LINGO1: variants seen among roughly 807,000 people sequenced by gnomAD.
The protein encoded by LINGO1 is leucine-rich repeat and immunoglobulin-like domain-containing nogo receptor-interacting protein 1.
A neutral mutation model predicts 37.3 loss-of-function variants in LINGO1; 11 were observed. That is an observed-to-expected ratio of 0.29 (90% CI 0.19 to 0.49). The LOEUF (loss-of-function observed/expected upper bound fraction) is 0.49, where lower values mean the gene tolerates loss of function less well. Among genes scored for constraint, LINGO1 ranks in the 20% least tolerant of loss-of-function variants. The pLI is 0.99. For synonymous variants in LINGO1, 387 were observed against 403.0 expected, an observed-to-expected ratio of 0.96 and a Z score of 0.48; for missense variants, 585 against 878.2, an observed-to-expected ratio of 0.67 and a Z score of 4.22.
At chr15:77,705,794 G>C (rs563241375) in intron 2 of LINGO1, among the ~76,000 whole-genome samples, 2 of 152,320 alleles carry the variant, frequency 1.3e-5, no homozygotes, top group Non-Finnish European at 2.9e-5. Flanking sequence ...TGGGCTGTGT[G>C]TCCTAGGGGA....
intron 3 of LINGO1, among the ~76,000 whole-genome samples, chr15:77,661,442 T>C (rs2074991185): frequency 6.6e-6 from 1 of 152,198 alleles, no homozygotes; most frequent in Non-Finnish European, 1.5e-5. Context: ...GCTGAGGGTA[T>C]TCAGCTGTGG....
chr15:77,815,705 C>T lies in LINGO1; in HGVS notation c.-458+4553G>A, dbSNP rs543023887. Among the ~76,000 whole-genome samples, 35 of 152,202 alleles carry T rather than the reference C, an allele frequency of 2.3e-4. No homozygotes were observed. In the South Asian group the frequency reaches 6.0e-3, roughly 26 times the overall value. On this transcript the variant is annotated intron_variant, in intron 1 of 5. Transcript: ENST00000562933. ...ATCCTGAGCCCTCGCCGAACTCTGA[C>T]GACCTAGATCACCCCACCCAGGTCT...
At position 77,614,815 on chromosome 15, in the gene LINGO1, G is replaced by T; in HGVS notation, c.1092C>A (p.Leu364=). 1 of 1,611,858 alleles carries T rather than the reference G, an allele frequency of 6.2e-7. No individual in the cohort carries two copies. The highest frequency in any genetic ancestry group is 8.5e-7 in the Non-Finnish European group (1 of 1,179,046). The stretch of plus-strand genomic sequence containing the variant: ...AGGCCAGCGGGTTGGAGTCCAGGAT[G>T]AGTGTCTCCAGGTTGCCCACCGAGT... ...VFHSVGNLET[L]ILDSNPLACD... Residue 364 remains leucine, a synonymous_variant, in exon 2 of 2, where the codon CTC becomes CTA. Coordinates refer to ENST00000355300, the MANE Select transcript of LINGO1 (RefSeq NM_032808.7).
chr15:77,686,726 GCCT>G (rs1271576923), intron 2 of LINGO1, among the ~76,000 whole-genome samples: 1 of 152,136 alleles, frequency 6.6e-6, no homozygotes, highest in Admixed American at 6.5e-5. Flanking sequence ...CCCCATCACA[GCCT>G]CCTCAATGGC....
intron 2 of LINGO1, among the ~76,000 whole-genome samples, chr15:77,714,683 C>T (rs770565846): frequency 4.6e-5 from 7 of 152,222 alleles, no homozygotes; most frequent in African/African-American, 7.2e-5. Context: ...TCAGTAATGT[C>T]TGTGGAGTGA....
upstream of LINGO1, among the ~76,000 whole-genome samples, chr15:77,698,294 C>T (rs1170794997): frequency 6.6e-6 from 1 of 152,210 alleles, no homozygotes; most frequent in African/African-American, 2.4e-5. Context: ...TTGATCTGCA[C>T]AACACTCAGG....
chr15:77,682,608 C>T (rs576227762), intron 2 of LINGO1, among the ~76,000 whole-genome samples: 1 of 152,156 alleles, frequency 6.6e-6, no homozygotes, highest in South Asian at 2.1e-4. Flanking sequence ...CCTCTTTCAC[C>T]TCGCATCCTA....
intron 2 of LINGO1, among the ~76,000 whole-genome samples, chr15:77,794,336 ATACATACATATATACGTATATATGTG>A (rs1555543578): frequency 5.4e-5 from 7 of 129,302 alleles, no homozygotes; most frequent in African/African-American, 8.6e-5. Flanking sequence ...ATATATGTAT[ATACATACATATATACGTATATATGTG>A]TATATACATA....
At position 77,614,464 on chromosome 15, in the gene LINGO1, C is replaced by T. The variant is rs769417669; in HGVS notation, c.1443G>A (p.Thr481=). The T allele has an allele frequency of 6.4e-5, 103 of 1,610,612 alleles. No homozygotes were observed. The Middle Eastern group carries it at 6.6e-4, about 10-fold the overall frequency. The change falls in exon 2 of 2, where the codon ACG becomes ACA. Residue 481 remains threonine (T), a synonymous_variant. Coordinates refer to ENST00000355300, the MANE Select transcript of LINGO1 (RefSeq NM_032808.7). The part of the protein sequence containing the change: ...NGRLTVFPDG[T]LEVRYAQVQD... Reference sequence around the variant, plus strand: ...GTACCTGGGCGTAGCGCACCTCCAGCGTGCCATCAGGGAAGACTGTGAGCC... The same window carrying T: ...GTACCTGGGCGTAGCGCACCTCCAGTGTGCCATCAGGGAAGACTGTGAGCC...
intron 3 of LINGO1, among the ~76,000 whole-genome samples, chr15:77,663,421 C>T (rs914805973): frequency 3.3e-5 from 5 of 152,204 alleles, no homozygotes; most frequent in Non-Finnish European, 5.9e-5. Context: ...GTCCAGTGAA[C>T]GTCTGCCTGA....
intron 1 of LINGO1, among the ~76,000 whole-genome samples, chr15:77,781,852 G>A (rs1019462995): frequency 6.6e-6 from 1 of 152,308 alleles, no homozygotes; most frequent in African/African-American, 2.4e-5. Flanking sequence ...TCGCCCTCAG[G>A]GCCCCCGGCC....
intron 1 of LINGO1, among the ~76,000 whole-genome samples, chr15:77,813,999 GC>G (rs137888528): frequency 6.6e-6 from 1 of 151,754 alleles, no homozygotes; most frequent in African/African-American, 2.4e-5. Context: ...CCCCTAGGAA[GC>G]CCCCCCAATC....
chr15:77,727,890 C>A (rs12913905), intron 2 of LINGO1, among the ~76,000 whole-genome samples: 2 of 152,050 alleles, frequency 1.3e-5, no homozygotes, highest in African/African-American at 4.8e-5. Context: ...GCCTGGCTCC[C>A]GGGGACACTG....
chr15:77,683,911 C>T (rs2075459597), intron 2 of LINGO1, among the ~76,000 whole-genome samples: 1 of 152,138 alleles, frequency 6.6e-6, no homozygotes, highest in Non-Finnish European at 1.5e-5. Flanking sequence ...CCTGGCGTGG[C>T]ACCCTAGGAC....
rs565444774 is a variant in LINGO1, at chr15:77,745,799, GC to G, written c.-256-10747del. Among the ~76,000 whole-genome samples, 16 of 152,284 alleles carry G rather than the reference GC, an allele frequency of 1.1e-4. No individual in the cohort carries two copies. In the South Asian group the frequency reaches 2.3e-3, roughly 22 times the overall value. On this transcript the variant is annotated intron_variant, in intron 1 of 3. Coordinates refer to the LINGO1 transcript ENST00000561686. ...GCTTATCCAGGGTCGGGCAAACTTT[GC>G]CATATTCCGCATGCCTCTAGCAGGG...
chr15:77,775,443 C>G (rs2076627437), intron 1 of LINGO1, among the ~76,000 whole-genome samples: 1 of 152,176 alleles, frequency 6.6e-6, no homozygotes, highest in African/African-American at 2.4e-5. Context: ...CCTCCTGTTA[C>G]TGTCCCTGTG....
intron 2 of LINGO1, among the ~76,000 whole-genome samples, chr15:77,792,353 G>C (rs1303210430): frequency 6.6e-6 from 1 of 152,190 alleles, no homozygotes; most frequent in Admixed American, 6.5e-5. Context: ...CCACTGGCCT[G>C]CCAGCTTCTA....
At chr15:77,797,871 A>C (rs1045492803) in intron 1 of LINGO1, among the ~76,000 whole-genome samples, 1 of 152,232 alleles carries the variant, frequency 6.6e-6, no homozygotes, top group Non-Finnish European at 1.5e-5. Flanking sequence ...TCTAAGATGC[A>C]AATGTTGGAA....
intron 3 of LINGO1, among the ~76,000 whole-genome samples, chr15:77,641,309 T>A (rs2074500190): frequency 6.6e-6 from 1 of 152,178 alleles, no homozygotes; most frequent in Non-Finnish European, 1.5e-5. Context: ...TGGGTCCCTC[T>A]CCAGAGAGAT....
Sources: allele counts gnomAD v4.1 joint callset (sites outside exome capture counted in the v4.1 genomes callset), GRCh38; gene constraint gnomAD v4.1.1; transcripts MANE v1.5; gene names NCBI Gene and HGNC (gene_info 2026-07-23, HGNC 2026-07-21).